The following DDX49 variants were observed in gnomAD, a reference collection of about 807,000 sequenced individuals.
DDX49 encodes the protein DEAD-box helicase 49.
A neutral mutation model predicts 56.3 loss-of-function variants in DDX49; 50 were observed. The ratio of observed to expected loss-of-function variants is 0.89; its 90% CI spans 0.71 to 1.12. The LOEUF is 1.12. DDX49 is among the 50% of genes most tolerant of loss of function. DDX49 has a pLI of 0.00. For missense variants in DDX49, 614 were observed against 650.5 expected, an observed-to-expected ratio of 0.94 and a Z score of 0.61; for synonymous variants, 269 against 270.6, an observed-to-expected ratio of 0.99 and a Z score of 0.06.
At chr19:18,921,152 A>G (rs542567963) in intron 2 of DDX49, among the ~76,000 whole-genome samples, 94 of 152,144 alleles carry the variant, frequency 6.2e-4, no homozygotes, top group Middle Eastern at 3.4e-3. Context: ...AAAAAAAAAA[A>G]AAAGAAAGAA....
chr19:18,922,881 A>G (rs2056931089), intron 6 of DDX49, 137 bp downstream of exon 6: 2 of 1,143,294 alleles, frequency 1.7e-6, no homozygotes, highest in African/African-American at 3.1e-5. Flanking sequence ...GCTTCCCTCA[A>G]GGAGCCAAGG....
Position 18,920,571 on chromosome 19 carries a change from C to T in DDX49, c.116-9C>T. On this transcript the variant is annotated splice_polypyrimidine_tract_variant and intron_variant, in intron 1 of 12. Coordinates refer to ENST00000247003, the MANE Select transcript of DDX49 (RefSeq NM_019070.5). ...GGAGGGTGTTGATGCTGCTTTGTCC[C>T]CAACCCAGGTCGAGACTGCTTGGGC... 6.3e-7 allele frequency: 1 copy of T among 1,587,786 alleles called. No individual in the cohort carries two copies.
At chr19:18,922,786 G>C (rs1189018556) in intron 6 of DDX49, 42 bp downstream of exon 6, 1 of 1,597,096 alleles carries the variant, frequency 6.3e-7, no homozygotes, top group African/African-American at 1.3e-5. Context: ...CCCTTCAAAG[G>C]AGGAGGTGGC....
chr19:18,925,056 T>C, intron 9 of DDX49, 77 bp downstream of exon 9: 1 of 1,533,386 alleles, frequency 6.5e-7, no homozygotes, highest in Admixed American at 1.9e-5. Flanking sequence ...TGGTAGGACG[T>C]GGGTAGGGTG....
chr19:18,928,486 T>C lies in DDX49; in HGVS notation c.*170T>C. On this transcript the variant is annotated 3_prime_UTR_variant, in exon 13 of 13. Coordinates refer to ENST00000247003, the MANE Select transcript of DDX49 (RefSeq NM_019070.5). ...GCTCCTCTGCCCCGAAACCACTGGC[T>C]GGTCCCTTCCCTGAGCCCTGGCCAA... is the stretch of plus-strand genomic sequence containing the variant. 1.5e-6 allele frequency: 1 copy of C among 662,480 alleles called. No individual in the cohort carries two copies. The highest frequency in any genetic ancestry group is 2.1e-5 in the South Asian group (1 of 48,680). The allele number at this position is 662,480 out of a possible 1,614,324, so 41.0% of individuals were successfully genotyped here. A position where few individuals can be genotyped will look rare whatever the true frequency, so the allele number is the denominator to read the frequency against.
At chr19:18,926,096 G>A (rs2056958248) in intron 9 of DDX49, among the ~76,000 whole-genome samples, 1 of 152,328 alleles carries the variant, frequency 6.6e-6, no homozygotes, top group South Asian at 2.1e-4. Flanking sequence ...GGCCAGACTG[G>A]CAGACCTGCC....
chr19:18,922,242 C>T, intron 4 of DDX49, 84 bp from the exon 5 acceptor site: 1 of 1,498,366 alleles, frequency 6.7e-7, no homozygotes. Flanking sequence ...CATGTCCATG[C>T]CTCTCAAAGA....
At position 18,922,668 on chromosome 19, in the gene DDX49, T is replaced by C. The variant is rs1490981046; in HGVS notation, c.700T>C (p.Tyr234His). The change falls in exon 6 of 13, where the codon TAC (tyrosine) becomes CAC (histidine). Residue 234 changes from tyrosine (Y) to histidine (H), a missense_variant. Physicochemically the swap from Tyr to His is moderately conservative, Grantham distance 83. Transcript: ENST00000247003. Reference sequence around the variant, plus strand: ...GGTGCCTGAGAAGGTCAAGGACGCCTACCTGGTCCACCTGATCCAGCGCTT... The same window carrying C: ...GGTGCCTGAGAAGGTCAAGGACGCCCACCTGGTCCACCTGATCCAGCGCTT... ...LLVPEKVKDA[Y>H]LVHLIQRFQD... The C allele has an allele frequency of 2.5e-6, 4 of 1,614,072 alleles. No individual in the cohort carries two copies. Among genetic ancestry groups the C allele is most frequent in the Non-Finnish European group, 1.7e-6 (2 of 1,180,026 alleles).
intron 10 of DDX49, among the ~76,000 whole-genome samples, 191 bp from the exon 11 acceptor site, chr19:18,927,575 G>A (rs2056971803): frequency 6.6e-6 from 1 of 152,104 alleles, no homozygotes; most frequent in Non-Finnish European, 1.5e-5. Context: ...GTGACCGTGA[G>A]ACTCTGAAAG....
chr19:18,922,529 A>G lies in DDX49; in HGVS notation c.635+16A>G, dbSNP rs1352712851. 25 of 1,598,408 alleles carry G rather than the reference A, an allele frequency of 1.6e-5. No homozygotes were observed. The Admixed American group carries it at 4.2e-4, about 27-fold the overall frequency. On this transcript the variant is annotated intron_variant, in intron 5 of 12. Transcript: ENST00000247003. Reference sequence around the variant, plus strand: ...CACAGGCCCCGTGAGTCCACAGCCCAGACAGCGTGGGGAGGGCAGCCCCAT... The same window carrying G: ...CACAGGCCCCGTGAGTCCACAGCCCGGACAGCGTGGGGAGGGCAGCCCCAT...
chr19:18,923,589 A>C (rs1222612107), intron 6 of DDX49, among the ~76,000 whole-genome samples: 1 of 151,992 alleles, frequency 6.6e-6, no homozygotes, highest in Non-Finnish European at 1.5e-5. Flanking sequence ...AGCTTATGTG[A>C]TGGTCCCCAT....
chr19:18,922,311 C>G lies in DDX49; in HGVS notation c.448-15C>G, dbSNP rs1193069736. On this transcript the variant is annotated splice_polypyrimidine_tract_variant and intron_variant, in intron 4 of 12. Coordinates refer to ENST00000247003, the MANE Select transcript of DDX49 (RefSeq NM_019070.5). ...ATGGACGGCACCCTCACCCCTGCCC[C>G]CATTGGCACGGCAGGTGATGGATGA... 1 of 1,607,240 alleles carries G rather than the reference C, an allele frequency of 6.2e-7. No homozygotes were observed. Among genetic ancestry groups the G allele is most frequent in the African/African-American group, 1.3e-5 (1 of 74,886 alleles).
Position 18,924,907 on chromosome 19 carries a change from G to A in DDX49, c.955G>A (p.Val319Met), listed in dbSNP as rs1302428215. 3 of 1,612,976 alleles carry A rather than the reference G, an allele frequency of 1.9e-6. No homozygotes were observed. The highest frequency in any genetic ancestry group is 1.3e-5 in the African/African-American group (1 of 74,940). The change falls in exon 9 of 13, where the codon GTG (valine) becomes ATG (methionine). Residue 319 changes from valine to methionine, a missense_variant. Transcript: ENST00000247003. Reference sequence around the variant, plus strand: ...GGGCCTGGACATCCCTACGGTACAGGTGGTCATCAACCACAACACCCCCGG... The same window carrying A: ...GGGCCTGGACATCCCTACGGTACAGATGGTCATCAACCACAACACCCCCGG... ...SRGLDIPTVQ[V>M]VINHNTPGLP...
intron 6 of DDX49, among the ~76,000 whole-genome samples, chr19:18,922,956 A>C (rs1319897226): frequency 6.6e-6 from 1 of 152,198 alleles, no homozygotes; most frequent in Non-Finnish European, 1.5e-5. Context: ...TGGAAGGGCC[A>C]GGAAACCCCT....
At chr19:18,922,102 G>A (rs1433819016) in intron 4 of DDX49, 138 bp downstream of exon 4, 8 of 1,299,836 alleles carry the variant, frequency 6.2e-6, no homozygotes, top group Non-Finnish European at 8.3e-6. Context: ...TAGGAACAGT[G>A]ACAAGGACCG....
chr19:18,922,232 C>A, intron 4 of DDX49, 94 bp from the exon 5 acceptor site: 1 of 1,459,568 alleles, frequency 6.9e-7, no homozygotes, highest in Non-Finnish European at 9.3e-7. Context: ...GCCTAGGGTC[C>A]ATGTCCATGC....
rs1443114041 is a variant in DDX49 at position 18,924,635 on chromosome 19, G to T, written c.865G>T (p.Ala289Ser). ...HSMMKQKERF[A>S]ALAKFKSSIY... ...CAACCCTGTGCAGAAAGAACGCTTT[G>T]CCGCCCTAGCCAAGTTCAAGTCCAG... is the stretch of plus-strand genomic sequence containing the variant. The change falls in exon 8 of 13, where the codon GCC becomes TCC. Residue 289 changes from alanine to serine, a missense_variant. Transcript: ENST00000247003. The T allele has an allele frequency of 6.2e-7, 1 of 1,614,160 alleles. No individual in the cohort carries two copies. The highest frequency in any genetic ancestry group is 1.7e-5 in the Admixed American group (1 of 60,022).
At chr19:18,920,348 G>A (rs778933813) in intron 1 of DDX49, among the ~76,000 whole-genome samples, 10 of 152,156 alleles carry the variant, frequency 6.6e-5, no homozygotes, top group South Asian at 2.1e-4. Flanking sequence ...AAATGAAGGG[G>A]TCAACAGGGA....
At position 18,921,851 on chromosome 19, in the gene DDX49, G is replaced by A; in HGVS notation, c.334G>A (p.Ala112Thr). 1 of 1,613,980 alleles carries A rather than the reference G, an allele frequency of 6.2e-7. No homozygotes were observed. Among genetic ancestry groups the A allele is most frequent in the South Asian group, 1.1e-5 (1 of 91,078 alleles). ...CATGCTCTGTCCCCCAGACATGGTG[G>A]CCCAGGCGCTGGAGCTCTCTCGGAA... is the stretch of plus-strand genomic sequence containing the variant. ...CIIVGGMDMV[A>T]QALELSRKPH... The change falls in exon 4 of 13, where the codon GCC becomes ACC. Residue 112 changes from alanine (A) to threonine (T), a missense_variant. By Grantham distance (58) the Ala-to-Thr change is moderately conservative (BLOSUM62 0). Coordinates refer to ENST00000247003, the MANE Select transcript of DDX49 (RefSeq NM_019070.5).
Sources: allele counts gnomAD v4.1 joint callset (sites outside exome capture counted in the v4.1 genomes callset), GRCh38; gene constraint gnomAD v4.1.1; transcripts MANE v1.5; gene names NCBI Gene and HGNC (gene_info 2026-07-23, HGNC 2026-07-21).